ACKR3: variants seen among roughly 807,000 people sequenced by gnomAD.
ACKR3 encodes atypical chemokine receptor 3, also known as C-X-C chemokine receptor type 7.
A neutral mutation model predicts 22.4 loss-of-function variants in ACKR3; 6 were observed. The ratio of observed to expected loss-of-function variants is 0.27; its 90% confidence interval spans 0.15 to 0.53. The LOEUF (loss-of-function observed/expected upper bound fraction) is 0.53. ACKR3 is among the 20% of genes least tolerant of loss of function. ACKR3 has a pLI of 0.96. For missense variants in ACKR3, 396 were observed against 475.2 expected, an observed-to-expected ratio of 0.83 and a Z score of 1.55; for synonymous variants, 209 against 205.2, an observed-to-expected ratio of 1.02 and a Z score of -0.16.
intron 1 of ACKR3, among the ~76,000 whole-genome samples, chr2:236,575,423 T>TGTGTGTCTGGGGTTGTGCTGTGTGTGC (rs1574975098): frequency 6.7e-6 from 1 of 148,564 alleles, no homozygotes; most frequent in East Asian, 2.0e-4. Flanking sequence ...TGTGTGTGTG[T>TGTGTGTCTGGGGTTGTGCTGTGTGTGC]GTGTGTCTGG....
chr2:236,552,996 C>T, the ACKR3 span, among the ~76,000 whole-genome samples: 1 of 152,190 alleles, frequency 6.6e-6, no homozygotes, highest in African/African-American at 2.4e-5. Flanking sequence ...GCACATTGGC[C>T]CATGCTTGGT....
At chr2:236,537,472 T>C in the ACKR3 span, among the ~76,000 whole-genome samples, 1 of 152,332 alleles carries the variant, frequency 6.6e-6, no homozygotes, top group East Asian at 1.9e-4. Flanking sequence ...TATGCTTTTT[T>C]CTAGGAAGCA....
chr2:236,548,990 A>G, the ACKR3 span, among the ~76,000 whole-genome samples: 6 of 152,310 alleles, frequency 3.9e-5, no homozygotes, highest in South Asian at 1.2e-3. The surrounding 1 kb of genome is among the most constrained non-coding windows in gnomAD (Gnocchi z 4.3). Flanking sequence ...TTGGTCGAAA[A>G]TTGGCATAGT....
intron 1 of ACKR3, among the ~76,000 whole-genome samples, chr2:236,576,339 C>A (rs1240135487): frequency 6.6e-6 from 1 of 152,234 alleles, no homozygotes; most frequent in Non-Finnish European, 1.5e-5. Context: ...GTGCGGAATG[C>A]AGTCAGCTCT....
At chr2:236,553,482 C>A in the ACKR3 span, among the ~76,000 whole-genome samples, 1 of 152,272 alleles carries the variant, frequency 6.6e-6, no homozygotes, top group Non-Finnish European at 1.5e-5. Flanking sequence ...GAAAACACAT[C>A]ACCAAGGTTC....
At chr2:236,559,260 A>G in the ACKR3 span, among the ~76,000 whole-genome samples, 2 of 152,254 alleles carry the variant, frequency 1.3e-5, no homozygotes. Flanking sequence ...TTTCTTAAGA[A>G]AGCGAAAGCT....
At chr2:236,552,014 T>C in the ACKR3 span, among the ~76,000 whole-genome samples, 3,044 of 152,250 alleles carry the variant, frequency 0.02, 95 homozygotes, top group African/African-American at 0.07. Flanking sequence ...TGGCTTCTTC[T>C]CTTATTTAAT....
chr2:236,547,821 C>A, the ACKR3 span, among the ~76,000 whole-genome samples: 2 of 151,300 alleles, frequency 1.3e-5, no homozygotes, highest in African/African-American at 4.9e-5. Flanking sequence ...TAAGATCTTC[C>A]CTCTTATCTT....
Position 236,581,141 on chromosome 2 carries a change from T to A in ACKR3, c.676T>A (p.Ser226Thr), listed in dbSNP as rs1378622354. The change falls in exon 2 of 2, where the codon TCC becomes ACC. Residue 226 changes from serine (S) to threonine (T), a missense_variant. Physicochemically the swap from Ser to Thr is moderately conservative, Grantham distance 58. Coordinates refer to ENST00000272928, the MANE Select transcript of ACKR3 (RefSeq NM_020311.3). The surrounding 1 kb of genome is among the most constrained non-coding windows in gnomAD (Gnocchi z 4.4). Reference protein sequence around the residue: ...SVVLGFAVPFSIIAVFYFLLA... With the variant: ...SVVLGFAVPFTIIAVFYFLLA... Reference sequence around the variant, plus strand: ...TGTCTTGGGCTTTGCCGTTCCCTTCTCCATTATCGCTGTCTTCTACTTCCT... The same window carrying A: ...TGTCTTGGGCTTTGCCGTTCCCTTCACCATTATCGCTGTCTTCTACTTCCT... The A allele has an allele frequency of 1.2e-6, 2 of 1,614,078 alleles. No individual in the cohort carries two copies. The highest frequency in any genetic ancestry group is 2.2e-5 in the South Asian group (2 of 91,088).
At chr2:236,567,005 C>T (rs1481544852), upstream of ACKR3, among the ~76,000 whole-genome samples, 1 of 151,566 alleles carries the variant, frequency 6.6e-6, no homozygotes, top group Non-Finnish European at 1.5e-5. Context: ...CTTCCTTCCC[C>T]CTTCCCTTCT....
At chr2:236,562,703 G>T in the ACKR3 span, among the ~76,000 whole-genome samples, 1 of 151,896 alleles carries the variant, frequency 6.6e-6, no homozygotes, top group Non-Finnish European at 1.5e-5. Flanking sequence ...TCAGCATTTA[G>T]AAACTTTTAT....
At chr2:236,547,764 C>A in the ACKR3 span, among the ~76,000 whole-genome samples, 1 of 152,100 alleles carries the variant, frequency 6.6e-6, no homozygotes, top group Admixed American at 6.5e-5. Context: ...ATATTTCAAT[C>A]TAATTGCCTA....
intron 1 of ACKR3, among the ~76,000 whole-genome samples, chr2:236,571,961 C>T (rs745924531): frequency 2.0e-5 from 3 of 152,058 alleles, no homozygotes; most frequent in African/African-American, 4.8e-5. Context: ...AGTATTAAAA[C>T]GCCTTCAATT....
upstream of ACKR3, among the ~76,000 whole-genome samples, chr2:236,568,428 G>A (rs534815673): frequency 1.3e-5 from 2 of 152,328 alleles, no homozygotes; most frequent in African/African-American, 4.8e-5. Context: ...GTGGGTAGAC[G>A]CAGCCGCTGG....
At chr2:236,562,133 C>T in the ACKR3 span, among the ~76,000 whole-genome samples, 3 of 152,108 alleles carry the variant, frequency 2.0e-5, no homozygotes, top group African/African-American at 4.8e-5. Context: ...TCATACATGT[C>T]GAATATCAAA....
chr2:236,565,869 A>AGCG (rs1691167390), upstream of ACKR3, among the ~76,000 whole-genome samples: 1 of 152,146 alleles, frequency 6.6e-6, no homozygotes, highest in Admixed American at 6.5e-5. Flanking sequence ...TGTTGCGGTT[A>AGCG]TTCTGGGGGA....
Position 236,574,108 on chromosome 2 carries a change from C to T in ACKR3, c.-27+4184C>T, listed in dbSNP as rs987585271. ...CCTTCCCAATTAGCCGGCGGGGTCT[C>T]GGGGGTTGGGGGGAGATGTTTCTGA... On this transcript the variant is annotated intron_variant, in intron 1 of 1. Transcript: ENST00000272928. The surrounding 1 kb of genome is among the most constrained non-coding windows in gnomAD (Gnocchi z 5.6). Among the ~76,000 whole-genome samples the T allele has an allele frequency of 4.0e-5, 6 of 151,886 alleles. No homozygotes were observed. The highest frequency in any genetic ancestry group is 2.1e-4 in the South Asian group (1 of 4,784).
chr2:236,566,768 T>TCCTTCCTTCC (rs1559469809), upstream of ACKR3, among the ~76,000 whole-genome samples: 5 of 71,962 alleles, frequency 6.9e-5, no homozygotes, highest in African/African-American at 1.1e-4. Context: ...TCCTTCCTTT[T>TCCTTCCTTCC]CTTTGCTAGG....
intron 1 of ACKR3, among the ~76,000 whole-genome samples, chr2:236,578,776 T>G (rs140886229): frequency 1.3e-5 from 2 of 152,152 alleles, no homozygotes; most frequent in Non-Finnish European, 2.9e-5. Context: ...CAACCCAGTC[T>G]CTGTGCGAGC....
Sources: gnomAD v4.1 joint callset for allele counts (sites outside exome capture counted in the v4.1 genomes callset) on GRCh38, gnomAD v4.1.1 for gene constraint, Gnocchi (gnomAD v3.1) non-coding constraint, MANE v1.5 for transcripts, NCBI Gene and HGNC (gene_info 2026-07-23, HGNC 2026-07-21) for gene names.